GPM6A: variants seen among roughly 807,000 people sequenced by gnomAD.
The protein encoded by GPM6A is glycoprotein M6A.
In GPM6A, 7 loss-of-function variants were observed where a neutral mutation model predicts 32.1. The observed-to-expected ratio is 0.22, with a 90% CI of 0.12 to 0.41. The LOEUF is 0.41. Among genes scored for constraint, GPM6A ranks in the 10% least tolerant of loss-of-function variants. GPM6A has a pLI of 1.00. For missense variants in GPM6A, 235 were observed against 347.2 expected (o/e 0.68, Z 2.57); for synonymous variants, 130 against 123.4 (o/e 1.05, Z -0.35).
chr4:175,705,376 C>T (rs987238594), intron 1 of GPM6A, among the ~76,000 whole-genome samples: 4 of 152,152 alleles, frequency 2.6e-5, no homozygotes, highest in Admixed American at 1.3e-4. Flanking sequence ...CCTGATCATC[C>T]GTCAAACTTC....
intron 1 of GPM6A, among the ~76,000 whole-genome samples, chr4:175,922,933 C>T (rs1188975149): frequency 6.6e-6 from 1 of 152,076 alleles, no homozygotes; most frequent in Non-Finnish European, 1.5e-5. Context: ...AACAGAAACA[C>T]ATCATTGCCC....
At chr4:175,948,341 AT>A (rs1467124663) in intron 1 of GPM6A, among the ~76,000 whole-genome samples, 2 of 152,118 alleles carry the variant, frequency 1.3e-5, no homozygotes, top group Admixed American at 6.5e-5. Context: ...GAGAGAAATG[AT>A]TTTTCTTTCC....
chr4:175,926,584 A>T (rs1420053309), intron 1 of GPM6A, among the ~76,000 whole-genome samples: 2 of 152,186 alleles, frequency 1.3e-5, no homozygotes, highest in African/African-American at 4.8e-5. Flanking sequence ...CTAATATGAT[A>T]ATCTGAAAAT....
At chr4:175,943,208 T>C (rs1221099841) in intron 1 of GPM6A, among the ~76,000 whole-genome samples, 2 of 152,202 alleles carry the variant, frequency 1.3e-5, no homozygotes, top group Non-Finnish European at 1.5e-5. Flanking sequence ...ATATGAATGC[T>C]TGTGATTTTT....
intron 1 of GPM6A, among the ~76,000 whole-genome samples, chr4:175,995,911 C>T (rs1041852480): frequency 1.4e-5 from 2 of 146,140 alleles, no homozygotes; most frequent in Non-Finnish European, 3.0e-5. Context: ...TCATACAGGT[C>T]AAGGCTTCAT....
intron 1 of GPM6A, among the ~76,000 whole-genome samples, chr4:175,918,489 C>G (rs1738564810): frequency 6.6e-6 from 1 of 150,818 alleles, no homozygotes; most frequent in African/African-American, 2.5e-5. Context: ...GGTGCAGATA[C>G]AGTTCCTGTC....
At chr4:175,935,963 A>T (rs1219602249) in intron 1 of GPM6A, among the ~76,000 whole-genome samples, 1 of 152,012 alleles carries the variant, frequency 6.6e-6, no homozygotes, top group Non-Finnish European at 1.5e-5. Flanking sequence ...ACTATGCAAT[A>T]ACTTGAATAG....
At chr4:175,909,509 A>G (rs1401724768) in intron 1 of GPM6A, among the ~76,000 whole-genome samples, 1 of 152,298 alleles carries the variant, frequency 6.6e-6, no homozygotes, top group East Asian at 1.9e-4. Context: ...TGAACATGGA[A>G]CTGACATGAT....
intron 1 of GPM6A, among the ~76,000 whole-genome samples, chr4:175,940,525 CATTTATA>C (rs1035948711): frequency 2.3e-4 from 35 of 152,212 alleles, no homozygotes; most frequent in African/African-American, 7.9e-4. Flanking sequence ...GTTGATATTT[CATTTATA>C]ACAGCTGCTC....
intron 3 of GPM6A, among the ~76,000 whole-genome samples, chr4:175,664,702 A>G (rs1039825221): frequency 6.6e-6 from 1 of 152,112 alleles, no homozygotes; most frequent in Admixed American, 6.5e-5. Flanking sequence ...TCTACTTCAC[A>G]TCTTCTGGGT....
chr4:175,885,214 A>G (rs911397394), intron 1 of GPM6A, among the ~76,000 whole-genome samples: 6 of 152,262 alleles, frequency 3.9e-5, no homozygotes, highest in Admixed American at 3.3e-4. Context: ...CTGAACCAGA[A>G]CTACCTGTAA....
At chr4:175,783,976 A>G (rs1165142747) in intron 1 of GPM6A, among the ~76,000 whole-genome samples, 1 of 152,090 alleles carries the variant, frequency 6.6e-6, no homozygotes, top group African/African-American at 2.4e-5. Context: ...CTTTAAAAGT[A>G]TAGTATAGAC....
intron 1 of GPM6A, among the ~76,000 whole-genome samples, chr4:175,777,915 A>C (rs1025737137): frequency 2.0e-5 from 3 of 152,190 alleles, no homozygotes; most frequent in African/African-American, 7.2e-5. Context: ...ATATCAAACC[A>C]TAAAGAACAG....
intron 1 of GPM6A, among the ~76,000 whole-genome samples, chr4:175,898,386 TCTTA>T (rs1737858066): frequency 6.6e-6 from 1 of 152,158 alleles, no homozygotes; most frequent in African/African-American, 2.4e-5. Context: ...CCAAGCTGCT[TCTTA>T]CTTACTATAT....
chr4:175,887,584 G>A (rs192367247), intron 1 of GPM6A, among the ~76,000 whole-genome samples: 10 of 151,850 alleles, frequency 6.6e-5, no homozygotes, highest in East Asian at 3.9e-4. Flanking sequence ...TCAAGAATAC[G>A]AGAAAGAACA....
intron 1 of GPM6A, among the ~76,000 whole-genome samples, chr4:175,878,428 C>T (rs1215038766): frequency 1.3e-5 from 2 of 152,132 alleles, no homozygotes; most frequent in South Asian, 2.1e-4. Flanking sequence ...TCTCTGAAAT[C>T]GAGGTGGAGG....
intron 1 of GPM6A, among the ~76,000 whole-genome samples, chr4:175,723,574 A>T (rs1037442954): frequency 6.6e-6 from 1 of 152,044 alleles, no homozygotes; most frequent in African/African-American, 2.4e-5. Context: ...CTATATTTTC[A>T]CCAAAAAGTT....
chr4:175,869,911 C>T (rs904995070), intron 1 of GPM6A, among the ~76,000 whole-genome samples: 11 of 152,152 alleles, frequency 7.2e-5, no homozygotes, highest in Admixed American at 3.3e-4. Context: ...CCTCCATTTA[C>T]AAGTGAGGAA....
chr4:175,941,549 C>T (rs533578804), intron 1 of GPM6A, among the ~76,000 whole-genome samples: 47 of 152,168 alleles, frequency 3.1e-4, no homozygotes, highest in Admixed American at 4.6e-4. Context: ...AACCCCACCA[C>T]CTCCCGCAAC....
Sources: allele counts gnomAD v4.1 joint callset (sites outside exome capture counted in the v4.1 genomes callset), GRCh38; gene constraint gnomAD v4.1.1; transcripts MANE v1.5; gene names NCBI Gene and HGNC (gene_info 2026-07-23, HGNC 2026-07-21).